FREM1: variants seen among roughly 807,000 people sequenced by gnomAD.
The protein encoded by FREM1 is FRAS1-related extracellular matrix protein 1.
FREM1 carries 220 observed loss-of-function variants against 210.1 expected under a neutral mutation model. That is an observed-to-expected ratio of 1.05 (90% CI 0.94 to 1.17). The LOEUF (loss-of-function observed/expected upper bound fraction) is 1.17, where lower values mean the gene tolerates loss of function less well. Ranked by LOEUF, FREM1 falls within the 50% of genes most tolerant of loss-of-function variation. The pLI is 0.00. For missense variants in FREM1, 3,454 were observed against 2,675.5 expected (o/e 1.29, Z -6.42); for synonymous variants, 1,189 against 980.2 (o/e 1.21, Z -3.98).
chr9:14,831,845 G>A (rs889232094), intron 10 of FREM1, among the ~76,000 whole-genome samples: 2 of 152,184 alleles, frequency 1.3e-5, no homozygotes, highest in Non-Finnish European at 1.5e-5. Context: ...TTCCTCTGGC[G>A]CCATGGCTCG....
intron 24 of FREM1, chr9:14,784,127 TACA>T (rs1318456658): frequency 1.6e-5 from 6 of 380,260 alleles, no homozygotes; most frequent in East Asian, 4.0e-5. Flanking sequence ...TCACCTTACA[TACA>T]ACAAGACAGT....
At chr9:14,824,155 G>C in intron 11 of FREM1, 40 bp from the exon 12 acceptor site, 10 of 1,315,166 alleles carry the variant, frequency 7.6e-6, no homozygotes, top group Non-Finnish European at 1.1e-5. Flanking sequence ...CTCATTTTTA[G>C]GTAAGAAAAA....
At chr9:14,884,168 G>C (rs2132217518) in intron 1 of FREM1, among the ~76,000 whole-genome samples, 1 of 152,156 alleles carries the variant, frequency 6.6e-6, no homozygotes, top group East Asian at 1.9e-4. Flanking sequence ...GGCGGAGGTT[G>C]CAGTGAGCCA....
At chr9:14,896,127 A>G (rs1412765198) in intron 1 of FREM1, among the ~76,000 whole-genome samples, 4 of 148,920 alleles carry the variant, frequency 2.7e-5, no homozygotes, top group African/African-American at 9.7e-5. Context: ...AAAACTCACC[A>G]AAATCAAGAT....
At chr9:14,795,200 T>C (rs1317495141) in intron 21 of FREM1, among the ~76,000 whole-genome samples, 1 of 152,190 alleles carries the variant, frequency 6.6e-6, no homozygotes, top group African/African-American at 2.4e-5. Flanking sequence ...ACGTAGTAGC[T>C]AGTCTTTCAA....
At chr9:14,860,315 C>T (rs959222017) in intron 3 of FREM1, among the ~76,000 whole-genome samples, 1 of 151,684 alleles carries the variant, frequency 6.6e-6, no homozygotes, top group African/African-American at 2.4e-5. Flanking sequence ...AAACATGCTC[C>T]CTGTTTTCTG....
intron 1 of FREM1, among the ~76,000 whole-genome samples, chr9:14,885,817 C>G (rs1157643718): frequency 6.6e-6 from 1 of 152,180 alleles, no homozygotes; most frequent in Non-Finnish European, 1.5e-5. Context: ...AAATAACTAA[C>G]ATATCTATTA....
Position 14,792,668 on chromosome 9 carries a change from C to A in FREM1, c.3981+75G>T, listed in dbSNP as rs553919930. 133 of 1,115,326 alleles carry A rather than the reference C, an allele frequency of 1.2e-4. 2 individuals carry two copies. In the South Asian group the frequency reaches 2.6e-3, roughly 22 times the overall value. The allele number at this position is 1,115,326 out of a possible 1,614,324, so 69.1% of individuals were successfully genotyped here. On this transcript the variant is annotated intron_variant, in intron 22 of 36. Transcript: ENST00000380880. ...ATGTCTATCAGAGAATAAATCCCAT[C>A]ATAGAAATGTGTATATTGAGAAGAT...
In FREM1 at chr9:14,868,883, A is replaced by C. The variant is rs1588486424; in HGVS notation, c.95T>G (p.Val32Gly). Residue 32 changes from valine (V) to glycine (G), a missense_variant, in exon 2 of 37, where the codon GTG becomes GGG. Transcript: ENST00000380880. ...SPTFISINRGVRVMKGHSAFL... is the reference protein window; with the variant it reads ...SPTFISINRGGRVMKGHSAFL... Reference sequence around the variant, plus strand: ...GGCAGAGTGGCCCTTCATCACCCTCACCCCGCGGTTGATGCTGATGAAGGT... The same window carrying C: ...GGCAGAGTGGCCCTTCATCACCCTCCCCCCGCGGTTGATGCTGATGAAGGT... 4 of 1,606,076 alleles carry C rather than the reference A, an allele frequency of 2.5e-6. No individual in the cohort carries two copies. The highest frequency in any genetic ancestry group is 3.4e-6 in the Non-Finnish European group (4 of 1,176,434).
chr9:14,903,336 G>A (rs991320449), intron 1 of FREM1, among the ~76,000 whole-genome samples: 6 of 152,194 alleles, frequency 3.9e-5, no homozygotes, highest in African/African-American at 1.4e-4. Flanking sequence ...AATGACTGAT[G>A]AGGAAAGCAA....
At chr9:14,738,466 T>C (rs1840811112) in intron 36 of FREM1, among the ~76,000 whole-genome samples, 1 of 152,230 alleles carries the variant, frequency 6.6e-6, no homozygotes, top group Non-Finnish European at 1.5e-5. Context: ...AGTGACATTC[T>C]GCCTAAGCAT....
chr9:14,854,417 A>G (rs1000492699), intron 5 of FREM1, among the ~76,000 whole-genome samples: 1 of 152,140 alleles, frequency 6.6e-6, no homozygotes, highest in Non-Finnish European at 1.5e-5. Context: ...ACATAGAAAG[A>G]TTAAAAGGAA....
At chr9:14,817,654 TA>T (rs1231099194) in intron 14 of FREM1, among the ~76,000 whole-genome samples, 4 of 152,146 alleles carry the variant, frequency 2.6e-5, no homozygotes, top group Admixed American at 2.0e-4. Context: ...AAAGTTGTAT[TA>T]AAAAATAATA....
chr9:14,747,025 G>C lies in FREM1; in HGVS notation c.6036C>G (p.Asn2012Lys). The change falls in exon 34 of 37, where the codon AAC becomes AAG. Residue 2012 changes from asparagine (N) to lysine (K), a missense_variant. Asn to Lys is a moderately conservative substitution (Grantham distance 94). Coordinates refer to ENST00000380880, the MANE Select transcript of FREM1 (RefSeq NM_001379081.2). ...RQDQLPSFPK[N>K]CTLELKGLFH... ...AGAGTCCCTTTAATTCCAGAGTGCA[G>C]TTCTTTGGAAATGAGGGCAACTGGT... is the stretch of plus-strand genomic sequence containing the variant. 6.2e-7 allele frequency: 1 copy of C among 1,613,258 alleles called. No homozygotes were observed. The highest frequency in any genetic ancestry group is 8.5e-7 in the Non-Finnish European group (1 of 1,179,590).
chr9:14,896,938 A>G (rs1417634367), intron 1 of FREM1, among the ~76,000 whole-genome samples: 1 of 152,218 alleles, frequency 6.6e-6, no homozygotes, highest in Non-Finnish European at 1.5e-5. Flanking sequence ...TCCTTGCTCA[A>G]GATTAAAACT....
chr9:14,824,779 G>A lies in FREM1; in HGVS notation c.2078+17C>T, dbSNP rs1331462315. ...CAATCCTAGAACTAGTAGCCCAAAT[G>A]GTGACTTTTCAGATACCTGTGGCTG... On this transcript the variant is annotated intron_variant, in intron 11 of 36. Coordinates refer to ENST00000380880, the MANE Select transcript of FREM1 (RefSeq NM_001379081.2). 3.1e-6 allele frequency: 5 copies of A among 1,587,546 alleles called. No homozygotes were observed. The highest frequency in any genetic ancestry group is 1.3e-5 in the African/African-American group (1 of 74,554).
chr9:14,854,600 A>G (rs1205218722), intron 5 of FREM1, among the ~76,000 whole-genome samples: 1 of 152,112 alleles, frequency 6.6e-6, no homozygotes, highest in African/African-American at 2.4e-5. Context: ...AGCAAAAATA[A>G]GAAGAATAAT....
At position 14,737,544 on chromosome 9, in the gene FREM1, G is replaced by A. The variant is rs764505995; in HGVS notation, c.6392C>T (p.Pro2131Leu). 2.5e-5 allele frequency: 41 copies of A among 1,608,490 alleles called. No individual in the cohort carries two copies. Among genetic ancestry groups the A allele is most frequent in the Non-Finnish European group, 3.1e-5 (36 of 1,177,190 alleles). ...AGHWEWIGGE[P>L]VAFTNGRRGP... Reference sequence around the variant, plus strand: ...TCTTCTCCCATTGGTGAAGGCAACAGGTTCACCACCGATCCACTCCCAGTG... The same window carrying A: ...TCTTCTCCCATTGGTGAAGGCAACAAGTTCACCACCGATCCACTCCCAGTG... Residue 2131 changes from proline to leucine, a missense_variant, in exon 37 of 37, where the codon CCT becomes CTT. Coordinates refer to ENST00000380880, the MANE Select transcript of FREM1 (RefSeq NM_001379081.2).
chr9:14,855,883 T>C (rs1180357999), intron 5 of FREM1, among the ~76,000 whole-genome samples: 1 of 152,176 alleles, frequency 6.6e-6, no homozygotes, highest in Non-Finnish European at 1.5e-5. Context: ...TCCAATTTTT[T>C]TTCAATGGAT....
Sources: allele counts gnomAD v4.1 joint callset (sites outside exome capture counted in the v4.1 genomes callset), GRCh38; gene constraint gnomAD v4.1.1; transcripts MANE v1.5; gene names NCBI Gene and HGNC (gene_info 2026-07-23, HGNC 2026-07-21).